Variants in GABBR2 observed in about 807,000 individuals in gnomAD.
GABBR2 encodes the protein gamma-aminobutyric acid type B receptor subunit 2.
Under a neutral mutation model 105.6 loss-of-function variants are expected in GABBR2, and 23 were observed. The observed-to-expected ratio is 0.22, with a 90% CI of 0.16 to 0.31. GABBR2 has a LOEUF of 0.31. Among genes scored for constraint, GABBR2 ranks in the 10% least tolerant of loss-of-function variants. The probability of loss-of-function intolerance (pLI) is 1.00; values close to 1 mark genes in which losing one functional copy is unlikely to be tolerated. For synonymous variants in GABBR2, 478 were observed against 499.7 expected (o/e 0.96, Z 0.58); for missense variants, 734 against 1,245.5 (o/e 0.59, Z 6.18).
chr9:98,643,300 G>A (rs959166852), intron 1 of GABBR2, among the ~76,000 whole-genome samples: 5 of 152,180 alleles, frequency 3.3e-5, no homozygotes, highest in African/African-American at 4.8e-5. Flanking sequence ...ATGGGGCAGC[G>A]ACAGGGGTGG....
chr9:98,535,219 T>C (rs1249504465), intron 3 of GABBR2, among the ~76,000 whole-genome samples: 1 of 152,126 alleles, frequency 6.6e-6, no homozygotes, highest in African/African-American at 2.4e-5. Context: ...TGCCTCAGCC[T>C]CCCAAGTAGC....
At chr9:98,536,009 T>C (rs1452976673) in intron 3 of GABBR2, among the ~76,000 whole-genome samples, 1 of 152,020 alleles carries the variant, frequency 6.6e-6, no homozygotes, top group Non-Finnish European at 1.5e-5. Flanking sequence ...TCAATGTAGA[T>C]TCATCAGTTG....
At chr9:98,430,077 G>T (rs564903440) in intron 7 of GABBR2, among the ~76,000 whole-genome samples, 63 of 152,118 alleles carry the variant, frequency 4.1e-4, no homozygotes, top group African/African-American at 1.5e-3. Context: ...ACAAGGTCAG[G>T]AGATCAACAC....
chr9:98,290,575 C>A lies in GABBR2; in HGVS notation c.*9G>T. ...CACGGGGGAGGCCCCGGGCCCAGGCCTCCCACCCTTACAGGCCCGAGACCA... is the reference window on the plus strand; with the variant it reads ...CACGGGGGAGGCCCCGGGCCCAGGCATCCCACCCTTACAGGCCCGAGACCA... On this transcript the variant is annotated 3_prime_UTR_variant, in exon 19 of 19. Coordinates refer to ENST00000259455, the MANE Select transcript of GABBR2 (RefSeq NM_005458.8). The A allele has an allele frequency of 1.5e-6, 2 of 1,372,032 alleles. No individual in the cohort carries two copies. The highest frequency in any genetic ancestry group is 1.9e-6 in the Non-Finnish European group (2 of 1,060,640). The allele number at this position is 1,372,032 out of a possible 1,614,324, so 85.0% of individuals were successfully genotyped here. A position where few individuals can be genotyped will look rare whatever the true frequency, so the allele number is the denominator to read the frequency against.
intron 1 of GABBR2, chr9:98,707,166 T>C (rs394488): frequency 0.7 from 106,395 of 152,072 alleles, 38,552 homozygotes; most frequent in Middle Eastern, 0.83. Flanking sequence ...ATAAAGAGGG[T>C]CCGACCAAGG....
At position 98,560,494 on chromosome 9, in the gene GABBR2, CAT is replaced by C. The variant is rs751690157; in HGVS notation, c.459+17439_459+17440del. Among the ~76,000 whole-genome samples, 25 of 150,642 alleles carry C rather than the reference CAT, an allele frequency of 1.7e-4. 1 individual carries two copies. The highest frequency in any genetic ancestry group is 6.3e-4 in the South Asian group (3 of 4,742). ...ACACACACACATATACACACACACA[CAT>C]ACACACAAAATACACATACACACAT... On this transcript the variant is annotated intron_variant, in intron 2 of 18. Transcript: ENST00000259455.
intron 3 of GABBR2, among the ~76,000 whole-genome samples, chr9:98,539,913 T>TAAAAAAA (rs746934812): frequency 9.6e-6 from 1 of 103,720 alleles, no homozygotes; most frequent in Non-Finnish European, 2.0e-5. Context: ...AGACTTCGTC[T>TAAAAAAA]AAAAAAAAAA....
At chr9:98,635,234 C>CAGA (rs1829861266) in intron 1 of GABBR2, among the ~76,000 whole-genome samples, 1 of 152,218 alleles carries the variant, frequency 6.6e-6, no homozygotes, top group African/African-American at 2.4e-5. Flanking sequence ...CTGGCACACC[C>CAGA]AGAACTTCTA....
intron 1 of GABBR2, among the ~76,000 whole-genome samples, chr9:98,588,046 T>G (rs907648039): frequency 3.9e-5 from 6 of 152,140 alleles, no homozygotes; most frequent in Non-Finnish European, 8.8e-5. Context: ...TTCTTTTACT[T>G]AAATAAAAAA....
At chr9:98,444,867 A>T (rs1826095841) in intron 7 of GABBR2, among the ~76,000 whole-genome samples, 1 of 110,142 alleles carries the variant, frequency 9.1e-6, no homozygotes, top group Non-Finnish European at 1.9e-5. Flanking sequence ...GCATATGCAC[A>T]TGCGCGCGCG....
chr9:98,428,624 T>C (rs1301939427), intron 7 of GABBR2, among the ~76,000 whole-genome samples: 1 of 152,202 alleles, frequency 6.6e-6, no homozygotes, highest in Non-Finnish European at 1.5e-5. Context: ...ATGGATCACA[T>C]GACTGGAACT....
At chr9:98,453,896 A>G (rs547016980) in intron 7 of GABBR2, 85 bp downstream of exon 7, 5 of 898,104 alleles carry the variant, frequency 5.6e-6, no homozygotes, top group South Asian at 2.9e-5. Context: ...CAGATCACAT[A>G]ACAGAAAGCC....
At chr9:98,335,985 T>C (rs1330578242) in intron 13 of GABBR2, among the ~76,000 whole-genome samples, 1 of 152,180 alleles carries the variant, frequency 6.6e-6, no homozygotes, top group African/African-American at 2.4e-5. Context: ...CCCTGTTTCA[T>C]GGGGCTCACA....
At chr9:98,509,213 C>T (rs1368994740) in intron 3 of GABBR2, among the ~76,000 whole-genome samples, 1 of 152,202 alleles carries the variant, frequency 6.6e-6, no homozygotes, top group Non-Finnish European at 1.5e-5. Flanking sequence ...AGGGTCCTGT[C>T]CGTTAGAAGG....
intron 4 of GABBR2, among the ~76,000 whole-genome samples, chr9:98,490,604 A>T (rs1039294365): frequency 1.3e-5 from 2 of 152,208 alleles, no homozygotes; most frequent in African/African-American, 4.8e-5. Context: ...CTCCCATGTC[A>T]ATTCCAGACA....
At chr9:98,539,477 T>A (rs987170111) in intron 3 of GABBR2, among the ~76,000 whole-genome samples, 8 of 152,172 alleles carry the variant, frequency 5.3e-5, no homozygotes, top group African/African-American at 1.9e-4. Flanking sequence ...CTGTGAACAA[T>A]CTTTCATGAC....
intron 1 of GABBR2, among the ~76,000 whole-genome samples, chr9:98,610,510 G>A (rs1301431074): frequency 6.6e-6 from 1 of 152,224 alleles, no homozygotes; most frequent in East Asian, 1.9e-4. Flanking sequence ...GTGATTTAGT[G>A]AAGGTTCTTG....
At chr9:98,514,777 T>C in intron 3 of GABBR2, among the ~76,000 whole-genome samples, 1 of 152,104 alleles carries the variant, frequency 6.6e-6, no homozygotes, top group Non-Finnish European at 1.5e-5. Flanking sequence ...TGTGCACATG[T>C]ACCCTAAAAC....
chr9:98,480,943 C>G lies in GABBR2; in HGVS notation c.787G>C (p.Val263Leu). ...GQFDQNMAAK[V>L]FCCAYEENMY... The stretch of plus-strand genomic sequence containing the variant: ...ACTGTTTTACTTACACAACAGAACA[C>G]TTTTGCTGCCATATTCTGGTCAAAC... Residue 263 changes from valine to leucine, a missense_variant, in exon 5 of 19, where the codon GTG becomes CTG. By Grantham distance (32) the Val-to-Leu change is conservative. Coordinates refer to ENST00000259455, the MANE Select transcript of GABBR2 (RefSeq NM_005458.8). 1 of 1,596,482 alleles carries G rather than the reference C, an allele frequency of 6.3e-7. No individual in the cohort carries two copies. Among genetic ancestry groups the G allele is most frequent in the Non-Finnish European group, 8.6e-7 (1 of 1,163,860 alleles).
Sources: allele counts gnomAD v4.1 joint callset (sites outside exome capture counted in the v4.1 genomes callset), GRCh38; gene constraint gnomAD v4.1.1; transcripts MANE v1.5; gene names NCBI Gene and HGNC (gene_info 2026-07-23, HGNC 2026-07-21).